Variants in KHDRBS2 observed in about 807,000 individuals in gnomAD.
KHDRBS2 encodes the protein KH RNA binding domain containing, signal transduction associated 2.
A neutral mutation model predicts 44.3 loss-of-function variants in KHDRBS2; 26 were observed. The observed-to-expected ratio is 0.59, with a 90% confidence interval of 0.43 to 0.81. The LOEUF (loss-of-function observed/expected upper bound fraction) is 0.81, where lower values mean the gene tolerates loss of function less well. KHDRBS2 is among the 40% of genes least tolerant of loss of function. The pLI is 0.00. For synonymous variants in KHDRBS2, 194 were observed against 151.1 expected (o/e 1.28, Z -2.08); for missense variants, 476 against 433.1 (o/e 1.10, Z -0.88).
intron 6 of KHDRBS2, among the ~76,000 whole-genome samples, chr6:61,796,600 T>C (rs1785388031): frequency 6.6e-6 from 1 of 152,040 alleles, no homozygotes; most frequent in African/African-American, 2.4e-5. Context: ...TATCATGTAA[T>C]TGGAAAAGTA....
chr6:61,662,057 C>T, the KHDRBS2 span, among the ~76,000 whole-genome samples: 96 of 152,018 alleles, frequency 6.3e-4, no homozygotes, highest in Middle Eastern at 6.9e-3. Flanking sequence ...GAGATATAGA[C>T]AAATGGAACA....
chr6:62,058,108 T>TTTA (rs1427482537), intron 2 of KHDRBS2, among the ~76,000 whole-genome samples: 12 of 151,892 alleles, frequency 7.9e-5, no homozygotes. Flanking sequence ...TGGTCACATG[T>TTTA]TTATAAACTA....
At chr6:62,065,925 C>G (rs1177528382) in intron 2 of KHDRBS2, among the ~76,000 whole-genome samples, 3 of 151,686 alleles carry the variant, frequency 2.0e-5, no homozygotes, top group Non-Finnish European at 2.9e-5. Flanking sequence ...TAATTATTTA[C>G]TATGCTTCTG....
the KHDRBS2 span, among the ~76,000 whole-genome samples, chr6:61,581,783 T>G: frequency 6.6e-6 from 1 of 151,330 alleles, no homozygotes; most frequent in Non-Finnish European, 1.5e-5. Flanking sequence ...ATGGAGAATC[T>G]GAATAACACT....
intron 6 of KHDRBS2, among the ~76,000 whole-genome samples, chr6:61,812,915 T>G (rs1049483765): frequency 2.6e-5 from 4 of 152,078 alleles, no homozygotes; most frequent in African/African-American, 9.7e-5. Flanking sequence ...TATAGTTGTC[T>G]TTTCACATGT....
intron 6 of KHDRBS2, among the ~76,000 whole-genome samples, chr6:61,847,846 G>T (rs1750650751): frequency 6.6e-6 from 1 of 152,038 alleles, no homozygotes; most frequent in African/African-American, 2.4e-5. Flanking sequence ...TCAGAGCAAT[G>T]AATGTAAATC....
At chr6:61,746,734 G>A (rs1248348773) in intron 6 of KHDRBS2, among the ~76,000 whole-genome samples, 4 of 151,950 alleles carry the variant, frequency 2.6e-5, no homozygotes, top group African/African-American at 7.3e-5. Flanking sequence ...TACTCAAGAT[G>A]GATTAAATAC....
chr6:61,546,101 T>C, the KHDRBS2 span, among the ~76,000 whole-genome samples: 1 of 152,048 alleles, frequency 6.6e-6, no homozygotes, highest in African/African-American at 2.4e-5. Flanking sequence ...TATATGACAT[T>C]AAACCAAAAA....
chr6:61,918,125 C>G (rs1008347126), intron 4 of KHDRBS2, among the ~76,000 whole-genome samples: 2 of 151,944 alleles, frequency 1.3e-5, no homozygotes, highest in Non-Finnish European at 2.9e-5. Context: ...AGTCAAATCA[C>G]AAGCAGGGAT....
chr6:61,605,687 A>G, the KHDRBS2 span, among the ~76,000 whole-genome samples: 1 of 152,124 alleles, frequency 6.6e-6, no homozygotes, highest in Admixed American at 6.6e-5. Context: ...AGGTTCCCAC[A>G]CTGCCCCAAT....
intron 4 of KHDRBS2, among the ~76,000 whole-genome samples, chr6:61,938,770 G>C (rs1381511773): frequency 6.6e-6 from 1 of 151,968 alleles, no homozygotes; most frequent in Non-Finnish European, 1.5e-5. Context: ...AGAAAATCCA[G>C]AAGAAAAAAT....
rs540248128 is a variant in KHDRBS2 at position 62,100,659 on chromosome 6, G to T, written c.220-52665C>A. On this transcript the variant is annotated intron_variant, in intron 2 of 8. Transcript: ENST00000281156. ...CAGCAAAAAGACTGACTCACTGAAG[G>T]TTCAGGAAATCATTGGCATTTTTAT... Among the ~76,000 whole-genome samples, 7 of 152,270 alleles carry T rather than the reference G, an allele frequency of 4.6e-5. No homozygotes were observed. The South Asian group carries it at 1.4e-3, about 32-fold the overall frequency.
At chr6:61,562,324 G>A in the KHDRBS2 span, among the ~76,000 whole-genome samples, 374 of 152,242 alleles carry the variant, frequency 2.5e-3, 2 homozygotes, top group African/African-American at 8.6e-3. Flanking sequence ...GCAACCAAGA[G>A]TTTCCAAGGG....
At chr6:62,115,496 A>C (rs1584793012) in intron 2 of KHDRBS2, among the ~76,000 whole-genome samples, 1 of 152,218 alleles carries the variant, frequency 6.6e-6, no homozygotes, top group Admixed American at 6.5e-5. Context: ...CCAAGCTCTT[A>C]ATCACCTTGA....
chr6:61,616,044 G>A, the KHDRBS2 span, among the ~76,000 whole-genome samples: 1 of 152,146 alleles, frequency 6.6e-6, no homozygotes, highest in Non-Finnish European at 1.5e-5. Context: ...TCTGTTAAAA[G>A]ACAGAATCCT....
intron 6 of KHDRBS2, among the ~76,000 whole-genome samples, chr6:61,836,722 G>C (rs897053894): frequency 6.6e-6 from 1 of 151,820 alleles, no homozygotes; most frequent in Non-Finnish European, 1.5e-5. Flanking sequence ...ATAACACCAT[G>C]GCTGTACTTA....
the KHDRBS2 span, among the ~76,000 whole-genome samples, chr6:61,545,959 C>A: frequency 7.2e-5 from 11 of 152,218 alleles, no homozygotes; most frequent in East Asian, 2.1e-3. Context: ...TTTTGGACTT[C>A]CAGTCCCCAG....
chr6:61,880,636 A>G (rs1466286057), intron 6 of KHDRBS2, among the ~76,000 whole-genome samples: 2 of 151,964 alleles, frequency 1.3e-5, no homozygotes, highest in Non-Finnish European at 2.9e-5. Flanking sequence ...TTTCAAATAT[A>G]TAAGGGATCA....
chr6:61,929,774 G>A (rs1293782646), intron 4 of KHDRBS2, among the ~76,000 whole-genome samples: 3 of 152,096 alleles, frequency 2.0e-5, no homozygotes, highest in Non-Finnish European at 4.4e-5. Flanking sequence ...TTCAACAAAT[G>A]TTAATCTACA....
Sources: allele counts gnomAD v4.1 joint callset (sites outside exome capture counted in the v4.1 genomes callset), GRCh38; gene constraint gnomAD v4.1.1; transcripts MANE v1.5; gene names NCBI Gene and HGNC (gene_info 2026-07-23, HGNC 2026-07-21).